Variants in MYCBPAP observed in about 807,000 individuals in gnomAD.
MYCBPAP encodes the protein MYCBP-associated protein.
In MYCBPAP, 60 loss-of-function variants were observed where a neutral mutation model predicts 106.1. The observed-to-expected ratio is 0.57, with a 90% CI of 0.46 to 0.70. MYCBPAP has a LOEUF of 0.70. MYCBPAP is among the 30% of genes least tolerant of loss of function. MYCBPAP has a pLI of 0.00. For missense variants in MYCBPAP, 1,064 were observed against 1,169.3 expected (o/e 0.91, Z 1.31); for synonymous variants, 407 against 440.6 (o/e 0.92, Z 0.95).
At position 50,526,205 on chromosome 17, in the gene MYCBPAP, C is replaced by T. The variant is rs772085885; in HGVS notation, c.2107C>T (p.Pro703Ser). The change falls in exon 14 of 19, where the codon CCC becomes TCC. Residue 703 changes from proline (P) to serine (S), a missense_variant. Physicochemically the swap from Pro to Ser is moderately conservative, Grantham distance 74. Transcript: ENST00000323776. ...ESPDVDSTKSPWEPDGLPLLE... is the reference protein window; with the variant it reads ...ESPDVDSTKSSWEPDGLPLLE... ...CCCAGATGTGGACAGCACCAAGAGC[C>T]CCTGGGAGCCGGATGGCCTTCCCCT... is the stretch of plus-strand genomic sequence containing the variant. The T allele has an allele frequency of 3.1e-6, 5 of 1,613,240 alleles. No homozygotes were observed. Among genetic ancestry groups the T allele is most frequent in the East Asian group, 2.2e-5 (1 of 44,864 alleles).
At chr17:50,526,670 C>A (rs1357862466) in intron 14 of MYCBPAP, among the ~76,000 whole-genome samples, 4 of 152,160 alleles carry the variant, frequency 2.6e-5, no homozygotes, top group Admixed American at 2.6e-4. Flanking sequence ...GCAACCTCTG[C>A]CTCCCGGGTT....
rs573191721 is a variant in MYCBPAP, at chr17:50,524,836, A to G, written c.1636-41A>G. On this transcript the variant is annotated intron_variant, in intron 12 of 18. Coordinates refer to ENST00000323776, the MANE Select transcript of MYCBPAP (RefSeq NM_032133.6). ...CTTCCTGAAGGATGCATTGGTTTTG[A>G]TAGCCTGGGCTGCCATCCTCTGCCA... 18 of 1,601,126 alleles carry G rather than the reference A, an allele frequency of 1.1e-5. No individual in the cohort carries two copies. The Admixed American group carries it at 2.7e-4, about 24-fold the overall frequency.
intron 11 of MYCBPAP, 108 bp downstream of exon 11, chr17:50,523,236 T>A: frequency 9.0e-7 from 1 of 1,110,156 alleles, no homozygotes; most frequent in Admixed American, 2.0e-5. Flanking sequence ...GTTTGAGCCC[T>A]GCTTCCCTGC....
intron 13 of MYCBPAP, among the ~76,000 whole-genome samples, chr17:50,525,657 C>CTTTTTTTTT (rs1385942053): frequency 3.4e-5 from 1 of 29,102 alleles, no homozygotes; most frequent in Non-Finnish European, 6.1e-5. Flanking sequence ...CAGCTAATTT[C>CTTTTTTTTT]TCTTTTTTTT....
intron 13 of MYCBPAP, among the ~76,000 whole-genome samples, chr17:50,525,509 C>T (rs1161635966): frequency 2.0e-5 from 3 of 151,978 alleles, no homozygotes; most frequent in Non-Finnish European, 4.4e-5. Flanking sequence ...TAAGAAATAG[C>T]GTGTCATACT....
rs775982506 is a variant in MYCBPAP, at chr17:50,527,460, G to T, written c.2291+52G>T. On this transcript the variant is annotated intron_variant, in intron 15 of 18. Transcript: ENST00000323776. ...CCATCTCCTTCCCTTTGTGGCATCT[G>T]CAGGGGTCCTGGGCAGGCAGTCCTG... 4.4e-6 allele frequency: 7 copies of T among 1,606,766 alleles called. No individual in the cohort carries two copies. The African/African-American group carries it at 9.4e-5, about 21-fold the overall frequency.
chr17:50,515,654 T>C (rs1190544917), intron 1 of MYCBPAP, among the ~76,000 whole-genome samples: 2 of 152,124 alleles, frequency 1.3e-5, no homozygotes, highest in Non-Finnish European at 2.9e-5. Flanking sequence ...GCTGTATTCA[T>C]AAAACTCCCC....
chr17:50,523,715 A>G lies in MYCBPAP; in HGVS notation c.1566A>G (p.Ile522Met), dbSNP rs753094460. The G allele has an allele frequency of 4.3e-6, 7 of 1,614,102 alleles. No homozygotes were observed. Among genetic ancestry groups the G allele is most frequent in the East Asian group, 4.5e-5 (2 of 44,892 alleles). The change falls in exon 12 of 19, where the codon ATA (isoleucine) becomes ATG (methionine). Residue 522 changes from isoleucine (I) to methionine (M), a missense_variant. Ile to Met is a conservative substitution (Grantham distance 10, BLOSUM62 1). Transcript: ENST00000323776. ...RTHPTLLGGAILQVNLHAVSL... is the reference protein window; with the variant it reads ...RTHPTLLGGAMLQVNLHAVSL... Reference sequence around the variant, plus strand: ...ATCCTACTCTATTAGGAGGTGCTATACTGCAGGTCAATCTCCACGCGGTCT... The same window carrying G: ...ATCCTACTCTATTAGGAGGTGCTATGCTGCAGGTCAATCTCCACGCGGTCT...
Position 50,526,267 on chromosome 17 carries a change from G to A in MYCBPAP, c.2169G>A (p.Lys723=), listed in dbSNP as rs1456282464. ...ACCTCTGCTTGGAGGACTTCAGAAA[G>A]GTGCTTCCAAGACCCTGGAAGGCAA... ...EWNLCLEDFR[K]AVMVLPDENH... is the part of the protein sequence containing the mutation. The change falls in exon 14 of 19, where the codon AAG becomes AAA. Residue 723 remains lysine, a splice_region_variant and synonymous_variant. Transcript: ENST00000323776. 1.3e-5 allele frequency: 21 copies of A among 1,597,344 alleles called. No individual in the cohort carries two copies. Among genetic ancestry groups the A allele is most frequent in the Non-Finnish European group, 1.7e-5 (20 of 1,174,674 alleles).
chr17:50,510,602 T>C (rs1243598966), intron 1 of MYCBPAP, among the ~76,000 whole-genome samples: 1 of 147,432 alleles, frequency 6.8e-6, no homozygotes, highest in Non-Finnish European at 1.5e-5. Context: ...CATAGGTCAC[T>C]ATAGTCTTGA....
chr17:50,515,771 T>G (rs1197482844), intron 1 of MYCBPAP: 1 of 152,214 alleles, frequency 6.6e-6, no homozygotes, highest in Non-Finnish European at 1.5e-5. Flanking sequence ...GGTTAAGTGA[T>G]GCGTACCCAA....
chr17:50,529,279 A>C, intron 18 of MYCBPAP, 91 bp downstream of exon 18: 4 of 1,258,354 alleles, frequency 3.2e-6, no homozygotes, highest in Non-Finnish European at 4.4e-6. Flanking sequence ...CCACTCCATC[A>C]TGGTGGAAGC....
chr17:50,526,274 C>T lies in MYCBPAP; in HGVS notation c.2169+7C>T. 1 of 1,588,300 alleles carries T rather than the reference C, an allele frequency of 6.3e-7. No individual in the cohort carries two copies. The highest frequency in any genetic ancestry group is 8.5e-7 in the Non-Finnish European group (1 of 1,171,524). On this transcript the variant is annotated splice_region_variant and intron_variant, in intron 14 of 18. Coordinates refer to ENST00000323776, the MANE Select transcript of MYCBPAP (RefSeq NM_032133.6). ...CTTGGAGGACTTCAGAAAGGTGCTT[C>T]CAAGACCCTGGAAGGCAATGGTAGA...
At position 50,523,053 on chromosome 17, in the gene MYCBPAP, C is replaced by T. The variant is rs750540313; in HGVS notation, c.1372C>T (p.Arg458Trp). The T allele has an allele frequency of 1.7e-5, 28 of 1,613,972 alleles. No individual in the cohort carries two copies. The highest frequency in any genetic ancestry group is 7.7e-5 in the South Asian group (7 of 91,078). The change falls in exon 11 of 19, where the codon CGG (arginine) becomes TGG (tryptophan). Residue 458 changes from arginine (R) to tryptophan (W), a missense_variant. Transcript: ENST00000323776. ...GTVAIWYDWR[R>W]QHQPDTFQDL... is the part of the protein sequence containing the mutation. ...CGTGGCCATTTGGTATGACTGGCGACGGCAGCACCAGCCGGACACTTTCCA... is the reference window on the plus strand; with the variant it reads ...CGTGGCCATTTGGTATGACTGGCGATGGCAGCACCAGCCGGACACTTTCCA...
At position 50,519,802 on chromosome 17, in the gene MYCBPAP, T is replaced by C; in HGVS notation, c.916+15T>C. The C allele has an allele frequency of 6.2e-7, 1 of 1,610,930 alleles. No homozygotes were observed. Among genetic ancestry groups the C allele is most frequent in the South Asian group, 1.1e-5 (1 of 90,536 alleles). ...GGTGGAGACAGGTGAGGCGCAGGGC[T>C]GTAAGCCAGCTAGCATCTTGTGCCT... is the stretch of plus-strand genomic sequence containing the variant. On this transcript the variant is annotated intron_variant, in intron 7 of 18. Transcript: ENST00000323776.
At chr17:50,523,549 T>C (rs761780980) in intron 11 of MYCBPAP, 48 bp from the exon 12 acceptor site, 1 of 1,591,690 alleles carries the variant, frequency 6.3e-7, no homozygotes, top group Non-Finnish European at 8.6e-7. Context: ...GGCCTGGGGC[T>C]CAGCCAGCTC....
rs60563015 is a variant in MYCBPAP, at chr17:50,528,897, C to T, written c.2553+57C>T. 2.1e-3 allele frequency: 3,368 copies of T among 1,578,758 alleles called. 57 individuals are homozygous for T. In the African/African-American group the frequency reaches 0.041, roughly 19 times the overall value. ...GCTGGGGAGGGGATTGGAGGGGCTG[C>T]GGAGGTGGGGGCTGTGGAGGTGGGC... is the stretch of plus-strand genomic sequence containing the variant. On this transcript the variant is annotated intron_variant, in intron 17 of 18. Transcript: ENST00000323776.
intron 10 of MYCBPAP, chr17:50,522,707 A>ATATATATATATATATATATATAT (rs1241886997): frequency 6.1e-5 from 2 of 32,778 alleles, no homozygotes; most frequent in African/African-American, 4.4e-4. Context: ...AAAAAAAAAA[A>ATATATATATATATATATATATAT]AAATATATAT....
intron 4 of MYCBPAP, among the ~76,000 whole-genome samples, chr17:50,517,928 A>T (rs2034112988): frequency 1.3e-5 from 2 of 152,132 alleles, no homozygotes; most frequent in South Asian, 4.1e-4. Flanking sequence ...GCCTCATGGA[A>T]CCCAAAGGCG....
Sources: allele counts gnomAD v4.1 joint callset (sites outside exome capture counted in the v4.1 genomes callset), GRCh38; gene constraint gnomAD v4.1.1; transcripts MANE v1.5; gene names NCBI Gene and HGNC (gene_info 2026-07-23, HGNC 2026-07-21).